The following PDE4D variants were observed in gnomAD, a reference collection of about 807,000 sequenced individuals.
PDE4D encodes phosphodiesterase 4D.
In PDE4D, 24 loss-of-function variants were observed where a neutral mutation model predicts 87.4. The observed-to-expected ratio is 0.27, with a 90% CI of 0.20 to 0.39. The LOEUF (loss-of-function observed/expected upper bound fraction) is 0.39, where lower values mean the gene tolerates loss of function less well. PDE4D is among the 10% of genes least tolerant of loss of function. The pLI, the probability that PDE4D is intolerant of heterozygous loss-of-function variation, is 1.00. For synonymous variants in PDE4D, 384 were observed against 383.2 expected, an observed-to-expected ratio of 1.00 and a Z score of -0.02; for missense variants, 714 against 1,041.0, an observed-to-expected ratio of 0.69 and a Z score of 4.32.
intron 1 of PDE4D, among the ~76,000 whole-genome samples, chr5:59,872,173 T>A (rs1747901632): frequency 6.6e-6 from 1 of 151,558 alleles, no homozygotes; most frequent in African/African-American, 2.4e-5. Flanking sequence ...GCCTAGGAAA[T>A]GATAGATGAG....
At chr5:59,374,479 A>T (rs1000915860) in intron 1 of PDE4D, among the ~76,000 whole-genome samples, 10 of 152,216 alleles carry the variant, frequency 6.6e-5, no homozygotes, top group Non-Finnish European at 1.3e-4. Flanking sequence ...AGATCTAATT[A>T]TCCTAAATAT....
intron 1 of PDE4D, among the ~76,000 whole-genome samples, chr5:60,333,512 C>T (rs939423040): frequency 5.3e-5 from 8 of 152,140 alleles, no homozygotes; most frequent in South Asian, 2.1e-4. Context: ...AACATAAGGA[C>T]GATGAACAAG....
chr5:59,709,839 C>T (rs1234379244), intron 1 of PDE4D, among the ~76,000 whole-genome samples: 1 of 152,096 alleles, frequency 6.6e-6, no homozygotes, highest in Non-Finnish European at 1.5e-5. Flanking sequence ...GAAGTAATAA[C>T]CATTAGCATA....
intron 1 of PDE4D, among the ~76,000 whole-genome samples, chr5:59,708,925 G>A (rs116764660): frequency 0.011 from 1,562 of 143,710 alleles, 35 homozygotes; most frequent in African/African-American, 0.04. Context: ...TTTTTTAATC[G>A]AGGATATCCC....
At chr5:60,385,399 G>T (rs533369068) in intron 1 of PDE4D, among the ~76,000 whole-genome samples, 5 of 152,346 alleles carry the variant, frequency 3.3e-5, no homozygotes, top group African/African-American at 1.2e-4. Flanking sequence ...ATGCATCATT[G>T]TCTGAGCGAT....
chr5:60,093,467 G>C (rs544724953), intron 2 of PDE4D, among the ~76,000 whole-genome samples: 1 of 152,182 alleles, frequency 6.6e-6, no homozygotes, highest in South Asian at 2.1e-4. Context: ...TTCATATCAG[G>C]GCAAAAGGAT....
At chr5:59,432,565 ACTC>A (rs1796259353) in intron 1 of PDE4D, among the ~76,000 whole-genome samples, 1 of 152,024 alleles carries the variant, frequency 6.6e-6, no homozygotes, top group Non-Finnish European at 1.5e-5. Flanking sequence ...GAAGATGTCA[ACTC>A]CTCCACACTC....
At chr5:59,551,227 T>A (rs1358706168) in intron 1 of PDE4D, among the ~76,000 whole-genome samples, 1 of 151,326 alleles carries the variant, frequency 6.6e-6, no homozygotes, top group Non-Finnish European at 1.5e-5. Context: ...CTCATTTTTA[T>A]TTTATTTTAG....
chr5:59,397,323 CT>C (rs1477319471), intron 1 of PDE4D, among the ~76,000 whole-genome samples: 3 of 124,706 alleles, frequency 2.4e-5, no homozygotes, highest in Admixed American at 1.6e-4. Flanking sequence ...TGACCATTTA[CT>C]TGGAAGTAAA....
chr5:60,098,961 CT>C (rs1402446462), intron 2 of PDE4D, among the ~76,000 whole-genome samples: 2 of 151,952 alleles, frequency 1.3e-5, no homozygotes, highest in Non-Finnish European at 2.9e-5. Flanking sequence ...GAAGAACTCC[CT>C]TTGGCATTTC....
In PDE4D at chr5:59,991,293, A is replaced by AT. The variant is rs543939644; in HGVS notation, c.43-2577dup. On this transcript the variant is annotated intron_variant, in intron 2 of 16. Transcript: ENST00000502484. ...AAGGTTTATTTTGTATAATGTCTTGATTTTTTGTCTGCAGAGACTAAAGAC... is the reference window on the plus strand; with the variant it reads ...AAGGTTTATTTTGTATAATGTCTTGATTTTTTTGTCTGCAGAGACTAAAGAC... Among the ~76,000 whole-genome samples the AT allele has an allele frequency of 7.4e-3, 1,118 of 152,084 alleles. 6 individuals carry two copies. Among genetic ancestry groups the AT allele is most frequent in the Admixed American group, 0.013 (206 of 15,270 alleles).
At chr5:59,353,098 T>C (rs1157867930) in intron 1 of PDE4D, among the ~76,000 whole-genome samples, 1 of 152,174 alleles carries the variant, frequency 6.6e-6, no homozygotes, top group Non-Finnish European at 1.5e-5. Flanking sequence ...TTCTCTTCTA[T>C]TTACATAGTA....
intron 1 of PDE4D, among the ~76,000 whole-genome samples, chr5:60,367,203 C>T (rs1760628632): frequency 6.6e-6 from 1 of 151,994 alleles, no homozygotes; most frequent in African/African-American, 2.4e-5. Context: ...AATCTCAGCA[C>T]TTTGGGAGGG....
At chr5:60,221,017 A>G (rs1375144188) in intron 1 of PDE4D, among the ~76,000 whole-genome samples, 1 of 152,158 alleles carries the variant, frequency 6.6e-6, no homozygotes, top group Admixed American at 6.5e-5. Flanking sequence ...TTATTTAAAT[A>G]ATGAGAAACA....
intron 2 of PDE4D, among the ~76,000 whole-genome samples, chr5:60,042,495 G>T (rs1298745628): frequency 2.0e-5 from 3 of 152,224 alleles, no homozygotes; most frequent in Non-Finnish European, 4.4e-5. Flanking sequence ...CGTGCCTCCT[G>T]ACTGGGAGAT....
chr5:59,843,784 A>C lies in PDE4D; in HGVS notation c.455+49384T>G, dbSNP rs150922333. 3.2e-3 allele frequency among the ~76,000 whole-genome samples: 481 copies of C among 152,198 alleles called. 5 individuals carry two copies. Among genetic ancestry groups the C allele is most frequent in the African/African-American group, 0.011 (447 of 41,562 alleles). ...GTGCTTGGGAAGGAGAGCTGATTAA[A>C]TACCCCATCCAGGAAGGAGCTAGAT... On this transcript the variant is annotated intron_variant, in intron 1 of 14. Transcript: ENST00000340635.
At chr5:60,246,433 T>C (rs1042404895) in intron 1 of PDE4D, among the ~76,000 whole-genome samples, 1 of 151,762 alleles carries the variant, frequency 6.6e-6, no homozygotes, top group African/African-American at 2.4e-5. Flanking sequence ...ATATATTGAA[T>C]CTTATGCTCT....
intron 1 of PDE4D, among the ~76,000 whole-genome samples, chr5:60,284,307 A>G (rs944847186): frequency 5.3e-5 from 8 of 152,136 alleles, no homozygotes; most frequent in Admixed American, 3.3e-4. Context: ...TATTTCTGCT[A>G]TTATTAAGCC....
At chr5:59,247,922 T>C (rs138549925) in intron 1 of PDE4D, among the ~76,000 whole-genome samples, 4 of 151,216 alleles carry the variant, frequency 2.6e-5, no homozygotes, top group Non-Finnish European at 5.9e-5. Flanking sequence ...CCTTCCAACA[T>C]AGGCTTAAGA....
Sources: allele counts gnomAD v4.1 joint callset (sites outside exome capture counted in the v4.1 genomes callset), GRCh38; gene constraint gnomAD v4.1.1; transcripts MANE v1.5; gene names NCBI Gene and HGNC (gene_info 2026-07-23, HGNC 2026-07-21).